Variants in PCDHA2 observed in about 807,000 individuals in gnomAD.
The protein encoded by PCDHA2 is protocadherin alpha-2.
In PCDHA2, 58 loss-of-function variants were observed where a neutral mutation model predicts 66.0. That is an observed-to-expected ratio of 0.88 (90% CI 0.71 to 1.09). PCDHA2 has a LOEUF of 1.09. Among genes scored for constraint, PCDHA2 ranks in the 50% least tolerant of loss-of-function variants. The probability of loss-of-function intolerance (pLI) is 0.00; values close to 1 mark genes in which losing one functional copy is unlikely to be tolerated. For synonymous variants in PCDHA2, 634 were observed against 554.0 expected, an observed-to-expected ratio of 1.14 and a Z score of -2.03; for missense variants, 1,267 against 1,242.3, an observed-to-expected ratio of 1.02 and a Z score of -0.30.
intron 3 of PCDHA2, among the ~76,000 whole-genome samples, chr5:140,999,367 C>T (rs1229497053): frequency 4.6e-5 from 7 of 152,100 alleles, no homozygotes; most frequent in African/African-American, 1.7e-4. Flanking sequence ...TTCACAATCC[C>T]ATTAGATGGT....
chr5:140,943,923 C>A (rs1454812803), intron 1 of PCDHA2, among the ~76,000 whole-genome samples: 1 of 152,162 alleles, frequency 6.6e-6, no homozygotes, highest in Non-Finnish European at 1.5e-5. Flanking sequence ...GCATGAGCAG[C>A]TTTAGAAGTG....
At chr5:141,008,410 A>G (rs782459591) in intron 3 of PCDHA2, among the ~76,000 whole-genome samples, 33 of 152,184 alleles carry the variant, frequency 2.2e-4, no homozygotes, top group Non-Finnish European at 3.7e-4. Context: ...TTCCAATGTC[A>G]TGGCCACTGG....
intron 1 of PCDHA2, among the ~76,000 whole-genome samples, chr5:140,923,187 T>C (rs1554201249): frequency 1.3e-5 from 2 of 152,192 alleles, no homozygotes; most frequent in African/African-American, 4.8e-5. Flanking sequence ...ATGCATCTAC[T>C]GCAGCAATTT....
intron 1 of PCDHA2, chr5:140,875,557 G>A (rs2055595805): frequency 6.2e-7 from 1 of 1,613,946 alleles, no homozygotes; most frequent in Non-Finnish European, 8.5e-7. Flanking sequence ...GGTGGGGAGC[G>A]GCCAGCTCCA....
At chr5:140,967,029 G>C (rs1554229079) in intron 1 of PCDHA2, 4 of 1,608,938 alleles carry the variant, frequency 2.5e-6, no homozygotes, top group East Asian at 2.2e-5. Flanking sequence ...CCCAGTCCGC[G>C]CTACCTGGAG....
rs782009999 is a variant in PCDHA2, at chr5:140,928,473, C to G, written c.2389-50476C>G. 25 of 1,614,096 alleles carry G rather than the reference C, an allele frequency of 1.5e-5. No individual in the cohort carries two copies. The East Asian group carries it at 2.5e-4, about 16-fold the overall frequency. ...GGGGGTTTCATTTCCAAGTAGAAGGCCGGGATGGTGGCATTCCTCCCAGAA... is the reference window on the plus strand; with the variant it reads ...GGGGGTTTCATTTCCAAGTAGAAGGGCGGGATGGTGGCATTCCTCCCAGAA... On this transcript the variant is annotated intron_variant, in intron 1 of 3. Transcript: ENST00000526136.
chr5:140,819,898 T>A (rs1766647840), intron 1 of PCDHA2, among the ~76,000 whole-genome samples: 1 of 152,042 alleles, frequency 6.6e-6, no homozygotes, highest in African/African-American at 2.4e-5. Context: ...CTCTGCAGAT[T>A]ACAATGTACA....
At chr5:140,829,337 G>A (rs2150166119) in intron 1 of PCDHA2, 57 of 1,614,146 alleles carry the variant, frequency 3.5e-5, no homozygotes, top group Non-Finnish European at 4.6e-5. Flanking sequence ...CCTGGACCGC[G>A]AGAGCGTGTC....
In PCDHA2 at chr5:140,820,736, T is replaced by A. The variant is rs184348136; in HGVS notation, c.2388+23384T>A. ...TATTTACTGGAACCTAAACATTTTG[T>A]GAAATAGTATGTCATATAGACAATA... On this transcript the variant is annotated intron_variant, in intron 1 of 3. Transcript: ENST00000526136. 1.5e-3 allele frequency among the ~76,000 whole-genome samples: 225 copies of A among 152,168 alleles called. 1 individual carries two copies. The highest frequency in any genetic ancestry group is 2.8e-3 in the Non-Finnish European group (192 of 67,898).
intron 1 of PCDHA2, chr5:140,809,380 G>A (rs1229745044): frequency 6.2e-7 from 1 of 1,614,040 alleles, no homozygotes; most frequent in Non-Finnish European, 8.5e-7. Context: ...CCGAGGGCGC[G>A]TGCGCTCCGG....
At chr5:140,826,118 A>C (rs1008758273) in intron 1 of PCDHA2, among the ~76,000 whole-genome samples, 37 of 152,206 alleles carry the variant, frequency 2.4e-4, no homozygotes, top group African/African-American at 8.4e-4. Context: ...ATATATTCCT[A>C]ATATCCTGAG....
intron 1 of PCDHA2, chr5:140,883,717 C>A (rs926863988): frequency 6.2e-7 from 1 of 1,613,614 alleles, no homozygotes. Context: ...AGGACGCGGA[C>A]GCACAGGAGA....
intron 1 of PCDHA2, chr5:140,822,171 C>G: frequency 6.2e-7 from 1 of 1,614,246 alleles, no homozygotes; most frequent in Non-Finnish European, 8.5e-7. Flanking sequence ...CGCCCAGGTT[C>G]TCCAGACAAG....
intron 3 of PCDHA2, among the ~76,000 whole-genome samples, chr5:140,999,986 G>A (rs2097887000): frequency 6.6e-6 from 1 of 151,990 alleles, no homozygotes; most frequent in African/African-American, 2.4e-5. Context: ...GCGGCCTCTG[G>A]GTAGTGGTAT....
chr5:140,823,693 G>A, intron 1 of PCDHA2: 1 of 1,613,958 alleles, frequency 6.2e-7, no homozygotes, highest in Non-Finnish European at 8.5e-7. Context: ...GGATGAGACC[G>A]AAGCACCGCG....
At position 140,883,293 on chromosome 5, in the gene PCDHA2, A is replaced by G. The variant is rs1324977852; in HGVS notation, c.2388+85941A>G. On this transcript the variant is annotated intron_variant, in intron 1 of 3. Coordinates refer to ENST00000526136, the MANE Select transcript of PCDHA2 (RefSeq NM_018905.3). ...TGTACCCTTTTGGTGGAAGTACTAGATGTAAATGATAACGCCCCAGAGGTT... is the reference window on the plus strand; with the variant it reads ...TGTACCCTTTTGGTGGAAGTACTAGGTGTAAATGATAACGCCCCAGAGGTT... 2 of 1,614,102 alleles carry G rather than the reference A, an allele frequency of 1.2e-6. No homozygotes were observed. Among genetic ancestry groups the G allele is most frequent in the Non-Finnish European group, 1.7e-6 (2 of 1,180,026 alleles).
chr5:140,895,867 A>C (rs1212053221), intron 1 of PCDHA2, among the ~76,000 whole-genome samples: 1 of 152,154 alleles, frequency 6.6e-6, no homozygotes, highest in Non-Finnish European at 1.5e-5. Context: ...GCTGGAGTGC[A>C]ATGGCGCGAT....
chr5:140,857,650 G>T, intron 1 of PCDHA2: 1 of 1,596,744 alleles, frequency 6.3e-7, no homozygotes, highest in East Asian at 2.2e-5. Flanking sequence ...AGTTCCAGGT[G>T]AGCGCGCGCG....
chr5:140,974,394 A>G (rs1554236015), intron 1 of PCDHA2, among the ~76,000 whole-genome samples: 1 of 152,212 alleles, frequency 6.6e-6, no homozygotes, highest in Non-Finnish European at 1.5e-5. Context: ...CCCATTAGGT[A>G]TGTTCTAAAG....
Sources: gnomAD v4.1 joint callset for allele counts (sites outside exome capture counted in the v4.1 genomes callset) on GRCh38, gnomAD v4.1.1 for gene constraint, MANE v1.5 for transcripts, NCBI Gene and HGNC (gene_info 2026-07-23, HGNC 2026-07-21) for gene names.